The following ZNF398 variants were observed in gnomAD, a reference collection of about 807,000 sequenced individuals.
ZNF398 encodes the protein zinc finger protein 398.
In ZNF398, 18 loss-of-function variants were observed where a neutral mutation model predicts 41.9. The observed-to-expected ratio is 0.43, with a 90% confidence interval of 0.30 to 0.64. The LOEUF is 0.64. Among genes scored for constraint, ZNF398 ranks in the 30% least tolerant of loss-of-function variants. ZNF398 has a pLI of 0.14. For synonymous variants in ZNF398, 260 were observed against 308.8 expected, an observed-to-expected ratio of 0.84 and a Z score of 1.66; for missense variants, 669 against 822.8, an observed-to-expected ratio of 0.81 and a Z score of 2.29.
At chr7:149,170,304 A>G (rs1320004548) in intron 4 of ZNF398, among the ~76,000 whole-genome samples, 4 of 152,194 alleles carry the variant, frequency 2.6e-5, no homozygotes, top group African/African-American at 9.7e-5. Context: ...TAGGCTATAT[A>G]GTATAGCCTA....
intron 2 of ZNF398, among the ~76,000 whole-genome samples, chr7:149,129,500 C>T (rs1231095890): frequency 6.6e-6 from 1 of 152,040 alleles, no homozygotes; most frequent in Non-Finnish European, 1.5e-5. Flanking sequence ...CTGTTTCAGC[C>T]TCCCGAGTAG....
chr7:149,181,041 T>C lies in ZNF398; in HGVS notation c.*1240T>C, dbSNP rs1202212091. ...ACCACATGTTCTTTTCTTGGGGTGA[T>C]TTAATCACCTGGGAGCATCTGAGTC... On this transcript the variant is annotated 3_prime_UTR_variant, in exon 6 of 6. Transcript: ENST00000475153. 6.5e-6 allele frequency: 1 copy of C among 152,676 alleles called. No homozygotes were observed. Among genetic ancestry groups the C allele is most frequent in the Non-Finnish European group, 1.5e-5 (1 of 68,048 alleles). 9.5% of individuals were successfully genotyped at this position (152,676 alleles called of 1,614,324 possible). A position where few individuals can be genotyped will look rare whatever the true frequency, so the allele number is the denominator to read the frequency against.
Position 149,154,000 on chromosome 7 carries a change from C to A in ZNF398, c.80C>A (p.Thr27Lys). Reference sequence around the variant, plus strand: ...TCCCTGCAGCCCCTTCCTCTTCCTACACCCCCAGCAGCAAATGAGGCACAC... The same window carrying A: ...TCCCTGCAGCCCCTTCCTCTTCCTAAACCCCCAGCAGCAAATGAGGCACAC... ...LTSLQPLPLP[T>K]PPAANEAHLQ... Residue 27 changes from threonine to lysine, a missense_variant, in exon 2 of 6, where the codon ACA becomes AAA. Physicochemically the swap from Thr to Lys is moderately conservative, Grantham distance 78. Coordinates refer to ENST00000475153, the MANE Select transcript of ZNF398 (RefSeq NM_170686.3). 1 of 1,614,090 alleles carries A rather than the reference C, an allele frequency of 6.2e-7. No individual in the cohort carries two copies. Among genetic ancestry groups the A allele is most frequent in the Non-Finnish European group, 8.5e-7 (1 of 1,180,002 alleles).
chr7:149,173,907 C>T (rs1228013335), intron 4 of ZNF398, among the ~76,000 whole-genome samples: 3 of 151,510 alleles, frequency 2.0e-5, no homozygotes, highest in African/African-American at 7.3e-5. Flanking sequence ...GATTCTCCTG[C>T]CTCAGCCTCC....
chr7:149,155,875 C>T (rs1378091619), intron 2 of ZNF398, among the ~76,000 whole-genome samples: 2 of 151,318 alleles, frequency 1.3e-5, no homozygotes, highest in African/African-American at 2.4e-5. Flanking sequence ...TACAGGCGTC[C>T]GTCACCATGC....
chr7:149,182,092 A>G lies in ZNF398; in HGVS notation c.*2291A>G, dbSNP rs564354718. On this transcript the variant is annotated 3_prime_UTR_variant, in exon 6 of 6. Transcript: ENST00000475153. ...TACTTTTTTACTCAAAGATTTGCCA[A>G]GAACACAGCTTATTAGTGAAAGAGA... The G allele has an allele frequency of 1.3e-5, 2 of 152,326 alleles. No homozygotes were observed. The highest frequency in any genetic ancestry group is 6.5e-5 in the Admixed American group (1 of 15,302). 9.4% of individuals were successfully genotyped at this position (152,326 alleles called of 1,614,324 possible). A position where few individuals can be genotyped will look rare whatever the true frequency, so the allele number is the denominator to read the frequency against.
At position 149,133,676 on chromosome 7, in the gene ZNF398, T is replaced by C. The variant is rs13237523; in HGVS notation, c.-490+4732T>C. Among the ~76,000 whole-genome samples, 93 of 42,776 alleles carry C rather than the reference T, an allele frequency of 2.2e-3. 2 individuals are homozygous for C. Among genetic ancestry groups the C allele is most frequent in the African/African-American group, 7.2e-3 (84 of 11,678 alleles). 28.1% of individuals were successfully genotyped at this position (42,776 alleles called of 152,430 possible). ...TTAAATATATATATATATATATATA[T>C]ATACATATATATGTGTGTATATATA... On this transcript the variant is annotated intron_variant, in intron 2 of 6. Transcript: ENST00000426851.
chr7:149,155,734 T>TTTTTTTTTTTTTTTATTA (rs1794962115), intron 2 of ZNF398, among the ~76,000 whole-genome samples: 2 of 110,656 alleles, frequency 1.8e-5, no homozygotes, highest in African/African-American at 4.1e-5. Flanking sequence ...TTTTTTAATT[T>TTTTTTTTTTTTTTTATTA]TTTTTTTTTT....
chr7:149,173,359 G>A (rs756320892), intron 4 of ZNF398, among the ~76,000 whole-genome samples: 1 of 151,850 alleles, frequency 6.6e-6, no homozygotes, highest in African/African-American at 2.4e-5. Flanking sequence ...CACCCGTCTC[G>A]GCCTCCCAAA....
rs754413825 is a variant in ZNF398 at position 149,179,716 on chromosome 7, T to G, written c.1844T>G (p.Leu615Arg). ...PNPPGPLITG[L>R]ETSGLGVNTE... ...CCACCAGGTCCCCTCATAACTGGGC[T>G]TGAAACTTCTGGCCTGGGTGTCAAC... The change falls in exon 6 of 6, where the codon CTT becomes CGT. Residue 615 changes from leucine (L) to arginine (R), a missense_variant. Around this residue, in one of 3 missense-constraint regions of ZNF398, gnomAD observed 210 missense variants for 290.4 expected, o/e 0.72. Transcript: ENST00000475153. This position sits in a 1 kb window ranked among gnomAD's most constrained non-coding sequence, Gnocchi z 6.1. The G allele has an allele frequency of 1.2e-6, 2 of 1,614,128 alleles. No individual in the cohort carries two copies. Among genetic ancestry groups the G allele is most frequent in the Admixed American group, 3.3e-5 (2 of 60,018 alleles).
chr7:149,127,205 G>GA (rs1259773587), intron 1 of ZNF398, among the ~76,000 whole-genome samples: 1 of 152,142 alleles, frequency 6.6e-6, no homozygotes, highest in Non-Finnish European at 1.5e-5. Flanking sequence ...ACTGTCCCCA[G>GA]AAAATCAACC....
intron 2 of ZNF398, among the ~76,000 whole-genome samples, chr7:149,133,856 A>T (rs546209075): frequency 1.1e-3 from 167 of 149,006 alleles, no homozygotes; most frequent in African/African-American, 3.8e-3. Context: ...CGTTCAAGCG[A>T]TTCTCCTGCC....
intron 2 of ZNF398, among the ~76,000 whole-genome samples, chr7:149,142,406 G>A (rs1445506524): frequency 6.6e-6 from 1 of 152,176 alleles, no homozygotes; most frequent in Non-Finnish European, 1.5e-5. Context: ...GGTGGCTCAC[G>A]CCTGTAATCC....
intron 2 of ZNF398, among the ~76,000 whole-genome samples, chr7:149,139,067 C>T (rs897004881): frequency 3.9e-5 from 6 of 151,938 alleles, no homozygotes; most frequent in Admixed American, 1.3e-4. Context: ...CACGCCACCA[C>T]GCCCAGCTAA....
intron 4 of ZNF398, among the ~76,000 whole-genome samples, chr7:149,167,634 C>CTTTT (rs1163487497): frequency 6.7e-5 from 9 of 133,954 alleles, no homozygotes; most frequent in African/African-American, 1.1e-4. Flanking sequence ...TTTTTCTTTT[C>CTTTT]TTTTTTTTTT....
chr7:149,178,524 T>C lies in ZNF398; in HGVS notation c.776-124T>C, dbSNP rs573493492. ...GAGACCACAGATGTCTCGGTTATTA[T>C]TGCAGCCTTCTGCTGTATTTCTGAT... On this transcript the variant is annotated intron_variant, in intron 5 of 5. Coordinates refer to ENST00000475153, the MANE Select transcript of ZNF398 (RefSeq NM_170686.3). 121 of 762,556 alleles carry C rather than the reference T, an allele frequency of 1.6e-4. 1 individual carries two copies. The South Asian group carries it at 2.0e-3, about 13-fold the overall frequency. The allele number at this position is 762,556 out of a possible 1,614,324, so 47.2% of individuals were successfully genotyped here.
chr7:149,175,631 C>T (rs1795445147), intron 4 of ZNF398, among the ~76,000 whole-genome samples: 2 of 152,168 alleles, frequency 1.3e-5, no homozygotes, highest in African/African-American at 2.4e-5. Flanking sequence ...GAGTTGGATT[C>T]TGTGTCTATA....
chr7:149,127,370 A>G (rs1826503188), intron 1 of ZNF398, among the ~76,000 whole-genome samples: 1 of 137,462 alleles, frequency 7.3e-6, no homozygotes, highest in Non-Finnish European at 1.6e-5. Context: ...ATGTAGATGC[A>G]CCTTACTGAT....
chr7:149,143,140 CAAAAA>C (rs1446982020), upstream of ZNF398, among the ~76,000 whole-genome samples: 1 of 64,368 alleles, frequency 1.6e-5, no homozygotes, highest in South Asian at 8.2e-4. Context: ...GACTCCATCT[CAAAAA>C]AGAAAAGAAA....
Sources: allele counts gnomAD v4.1 joint callset (sites outside exome capture counted in the v4.1 genomes callset), GRCh38; gene constraint gnomAD v4.1.1; regional missense constraint gnomAD v4.1.1; non-coding constraint Gnocchi (gnomAD v3.1); transcripts MANE v1.5; gene names NCBI Gene and HGNC (gene_info 2026-07-23, HGNC 2026-07-21).